The following PIK3R1 variants were observed in gnomAD, a reference collection of about 807,000 sequenced individuals.
PIK3R1 encodes the protein phosphoinositide-3-kinase regulatory subunit 1, also known as phosphatidylinositol 3-kinase regulatory subunit alpha.
PIK3R1 carries 29 observed loss-of-function variants against 98.0 expected under a neutral mutation model. The observed-to-expected ratio is 0.30, with a 90% CI of 0.22 to 0.40. The LOEUF is 0.40. Among genes scored for constraint, PIK3R1 ranks in the 10% least tolerant of loss-of-function variants. The pLI, the probability that PIK3R1 is intolerant of heterozygous loss-of-function variation, is 1.00. For missense variants in PIK3R1, 596 were observed against 872.7 expected, an observed-to-expected ratio of 0.68 and a Z score of 3.99; for synonymous variants, 282 against 311.8, an observed-to-expected ratio of 0.90 and a Z score of 1.01.
chr5:68,273,291 G>GGGCCTGATGTAATTAAATTATTT, intron 2 of PIK3R1, 99 bp from the exon 3 acceptor site: 1 of 1,108,562 alleles, frequency 9.0e-7, no homozygotes, highest in Non-Finnish European at 1.4e-6. Context: ...CTTCTTGCTC[G>GGGCCTGATGTAATTAAATTATTT]GGCCTGATGT....
intron 7 of PIK3R1, among the ~76,000 whole-genome samples, chr5:68,282,455 G>C (rs532228151): frequency 3.9e-5 from 6 of 152,176 alleles, no homozygotes; most frequent in African/African-American, 1.4e-4. Flanking sequence ...CTCCTCTAGA[G>C]AGAGGAGACA....
Position 68,257,926 on chromosome 5 carries a change from T to A in PIK3R1, c.335-15464T>A, listed in dbSNP as rs547547673. ...TTTGGGAACTGCTTGCCACTTCCAG[T>A]TTCTGACACCCAAAACACATTTTAT... On this transcript the variant is annotated intron_variant, in intron 2 of 15. Transcript: ENST00000521381. Among the ~76,000 whole-genome samples, 7 of 152,368 alleles carry A rather than the reference T, an allele frequency of 4.6e-5. No homozygotes were observed. In the South Asian group the frequency reaches 1.5e-3, roughly 32 times the overall value.
Position 68,226,376 on chromosome 5 carries a change from G to C in PIK3R1, c.-300G>C. The C allele has an allele frequency of 2.1e-6, 1 of 465,966 alleles. No individual in the cohort carries two copies. Among genetic ancestry groups the C allele is most frequent in the Admixed American group, 3.7e-5 (1 of 27,368 alleles). The allele number at this position is 465,966 out of a possible 1,614,324, so 28.9% of individuals were successfully genotyped here. Reference sequence around the variant, plus strand: ...GTGTCAGAAAGGATTGGGCCTCGCTGTGAGAGTCAGCCTGGATTCAAAGTG... The same window carrying C: ...GTGTCAGAAAGGATTGGGCCTCGCTCTGAGAGTCAGCCTGGATTCAAAGTG... On this transcript the variant is annotated 5_prime_UTR_variant, in exon 2 of 16. Transcript: ENST00000521381.
intron 2 of PIK3R1, among the ~76,000 whole-genome samples, chr5:68,262,118 A>G (rs1745779699): frequency 6.6e-6 from 1 of 152,094 alleles, no homozygotes; most frequent in Non-Finnish European, 1.5e-5. Context: ...GCTGTGTTCA[A>G]TCTACAGATT....
intron 1 of PIK3R1, chr5:68,217,418 A>G (rs1743927102): frequency 6.6e-6 from 1 of 152,216 alleles, no homozygotes; most frequent in Non-Finnish European, 1.5e-5. Flanking sequence ...GAATTTGGTG[A>G]CTTCTGCACA....
At chr5:68,231,407 G>A (rs570762474) in intron 2 of PIK3R1, among the ~76,000 whole-genome samples, 18 of 152,288 alleles carry the variant, frequency 1.2e-4, no homozygotes, top group South Asian at 1.0e-3. Flanking sequence ...CATGGCTTAC[G>A]CTAAATTTTG....
At chr5:68,244,816 A>G (rs543145327) in intron 2 of PIK3R1, among the ~76,000 whole-genome samples, 11 of 152,296 alleles carry the variant, frequency 7.2e-5, no homozygotes, top group African/African-American at 2.2e-4. Context: ...AAGAAACCAT[A>G]TCTTTAACTG....
chr5:68,279,903 G>A (rs1206758689), intron 5 of PIK3R1, among the ~76,000 whole-genome samples, 170 bp downstream of exon 5: 1 of 152,180 alleles, frequency 6.6e-6, no homozygotes, highest in African/African-American at 2.4e-5. Context: ...TCCAAGAGAA[G>A]ACCCAGATTC....
At chr5:68,260,226 A>G (rs963933086) in intron 2 of PIK3R1, among the ~76,000 whole-genome samples, 1 of 152,190 alleles carries the variant, frequency 6.6e-6, no homozygotes, top group African/African-American at 2.4e-5. Context: ...CCAAAGAATT[A>G]AATGACTCTC....
chr5:68,278,476 A>G (rs1746673680), intron 4 of PIK3R1, among the ~76,000 whole-genome samples: 1 of 152,174 alleles, frequency 6.6e-6, no homozygotes, highest in Non-Finnish European at 1.5e-5. Context: ...TGCATTTTTA[A>G]ATTTTTCCTG....
At chr5:68,288,666 G>A in intron 7 of PIK3R1, 1 of 1,609,278 alleles carries the variant, frequency 6.2e-7, no homozygotes, top group Non-Finnish European at 8.5e-7. Context: ...CCCACTTGGT[G>A]GAAGAACAGC....
chr5:68,271,057 C>T (rs566003355), intron 2 of PIK3R1, among the ~76,000 whole-genome samples: 1 of 152,328 alleles, frequency 6.6e-6, no homozygotes, highest in Non-Finnish European at 1.5e-5. Flanking sequence ...GGATCACCCA[C>T]ATGAATTTTC....
At chr5:68,288,852 C>A in intron 7 of PIK3R1, 1 of 1,206,758 alleles carries the variant, frequency 8.3e-7, no homozygotes, top group Non-Finnish European at 1.2e-6. Flanking sequence ...CCCCTGTAAG[C>A]GCTGCCTGGG....
At chr5:68,248,632 T>C (rs1288520745) in intron 2 of PIK3R1, among the ~76,000 whole-genome samples, 1 of 152,188 alleles carries the variant, frequency 6.6e-6, no homozygotes, top group Admixed American at 6.5e-5. Context: ...TTGATACCCT[T>C]TGTTGGCATG....
intron 7 of PIK3R1, among the ~76,000 whole-genome samples, chr5:68,284,703 G>GT (rs1747008808): frequency 6.6e-6 from 1 of 152,194 alleles, no homozygotes; most frequent in African/African-American, 2.4e-5. Flanking sequence ...TTTCTAAAGG[G>GT]TAGGGGTAAA....
chr5:68,277,341 T>A (rs1272235637), intron 4 of PIK3R1, among the ~76,000 whole-genome samples: 1 of 152,196 alleles, frequency 6.6e-6, no homozygotes, highest in African/African-American at 2.4e-5. Flanking sequence ...TCTACTACAG[T>A]GGTATTGCCC....
intron 7 of PIK3R1, chr5:68,288,497 G>A: frequency 2.3e-6 from 3 of 1,316,020 alleles, no homozygotes; most frequent in East Asian, 6.2e-5. Flanking sequence ...GCCGGGCGGG[G>A]CGTGGGGCGG....
chr5:68,293,507 C>A (rs747551179), intron 10 of PIK3R1, 24 bp downstream of exon 10: 1 of 1,536,916 alleles, frequency 6.5e-7, no homozygotes. Flanking sequence ...AATGAATTAT[C>A]CAGTTACGAT....
rs1005220007 is a variant in PIK3R1 at position 68,297,707 on chromosome 5, A to T, written c.*106A>T. ...TCTGTGAATTGAGCTGCAGAAACGA[A>T]GCCATCTTTCTTTGGATGGGACTAG... On this transcript the variant is annotated 3_prime_UTR_variant, in exon 16 of 16. Transcript: ENST00000521381. 7 of 926,674 alleles carry T rather than the reference A, an allele frequency of 7.6e-6. No individual in the cohort carries two copies. Among genetic ancestry groups the T allele is most frequent in the Non-Finnish European group, 1.2e-5 (7 of 603,398 alleles). The allele number at this position is 926,674 out of a possible 1,614,324, so 57.4% of individuals were successfully genotyped here.
Sources: allele counts gnomAD v4.1 joint callset (sites outside exome capture counted in the v4.1 genomes callset), GRCh38; gene constraint gnomAD v4.1.1; transcripts MANE v1.5; gene names NCBI Gene and HGNC (gene_info 2026-07-23, HGNC 2026-07-21).